GRIK1: variants seen among roughly 807,000 people sequenced by gnomAD.
The protein encoded by GRIK1 is glutamate receptor ionotropic, kainate 1.
Under a neutral mutation model 105.7 loss-of-function variants are expected in GRIK1, and 69 were observed. That is an observed-to-expected ratio of 0.65 (90% CI 0.54 to 0.80). GRIK1 has a LOEUF of 0.80. GRIK1 is among the 30% of genes least tolerant of loss of function. The pLI is 0.00. For missense variants in GRIK1, 1,109 were observed against 1,167.3 expected (o/e 0.95, Z 0.73); for synonymous variants, 438 against 431.3 (o/e 1.02, Z -0.19).
At chr21:29,537,428 T>C (rs775574558) in intron 17 of GRIK1, 43 bp from the exon 18 acceptor site, 315 of 1,524,870 alleles carry the variant, frequency 2.1e-4, no homozygotes, top group Non-Finnish European at 2.8e-4. Context: ...ATTAAGCCTA[T>C]CGCATGTGCC....
chr21:29,933,202 C>A (rs983213969), intron 1 of GRIK1, among the ~76,000 whole-genome samples: 1 of 151,864 alleles, frequency 6.6e-6, no homozygotes, highest in African/African-American at 2.4e-5. Context: ...CATAGGTAAC[C>A]GTGTGTCATG....
At chr21:29,903,866 A>AAC (rs1358893503) in intron 1 of GRIK1, among the ~76,000 whole-genome samples, 3 of 152,254 alleles carry the variant, frequency 2.0e-5, no homozygotes, top group Non-Finnish European at 4.4e-5. Flanking sequence ...AAAGACTTGG[A>AAC]ACCAACCCAA....
intron 1 of GRIK1, among the ~76,000 whole-genome samples, chr21:29,758,250 G>A (rs115304402): frequency 0.014 from 2,187 of 152,266 alleles, 49 homozygotes; most frequent in African/African-American, 0.049. Context: ...CTGTTCTCGC[G>A]CTGTTAATAA....
intron 1 of GRIK1, among the ~76,000 whole-genome samples, chr21:29,888,132 C>A: frequency 7.7e-6 from 1 of 129,246 alleles, no homozygotes; most frequent in African/African-American, 3.1e-5. Context: ...CATTTTATAG[C>A]CCCTCCCTCC....
At chr21:29,686,096 G>T (rs1047030323) in intron 3 of GRIK1, among the ~76,000 whole-genome samples, 3 of 152,134 alleles carry the variant, frequency 2.0e-5, no homozygotes, top group African/African-American at 7.2e-5. Context: ...ATTTCCACAT[G>T]TTGTTCATTC....
chr21:29,630,989 G>GTCTC (rs2062257293), intron 7 of GRIK1, among the ~76,000 whole-genome samples: 1 of 151,692 alleles, frequency 6.6e-6, no homozygotes, highest in Non-Finnish European at 1.5e-5. Context: ...TTTATTTTTT[G>GTCTC]TAGAGAGGGG....
intron 7 of GRIK1, among the ~76,000 whole-genome samples, chr21:29,625,841 G>T (rs144345476): frequency 1.3e-5 from 2 of 152,206 alleles, no homozygotes; most frequent in East Asian, 3.9e-4. Flanking sequence ...CCTAGTGAAT[G>T]TTATGCATGA....
chr21:29,897,473 A>G (rs1192937328), intron 1 of GRIK1, among the ~76,000 whole-genome samples: 1 of 152,216 alleles, frequency 6.6e-6, no homozygotes, highest in Non-Finnish European at 1.5e-5. Flanking sequence ...ATTTTCCTCT[A>G]TAGGTCAGGC....
intron 7 of GRIK1, among the ~76,000 whole-genome samples, chr21:29,610,255 T>C (rs142651453): frequency 6.6e-6 from 1 of 152,250 alleles, no homozygotes. Flanking sequence ...GGTGAATAAA[T>C]GTCATGCTTT....
At chr21:29,688,781 G>A (rs537468459) in intron 3 of GRIK1, among the ~76,000 whole-genome samples, 5 of 152,212 alleles carry the variant, frequency 3.3e-5, no homozygotes, top group East Asian at 1.9e-4. Flanking sequence ...ATTTGCGTGC[G>A]GTCGTGGAGA....
At chr21:29,841,682 G>C (rs898287259) in intron 1 of GRIK1, among the ~76,000 whole-genome samples, 1 of 152,128 alleles carries the variant, frequency 6.6e-6, no homozygotes, top group African/African-American at 2.4e-5. Flanking sequence ...TTCACTATAT[G>C]CCACTGTCTA....
At chr21:29,542,153 G>C (rs2089982613) in intron 16 of GRIK1, among the ~76,000 whole-genome samples, 1 of 152,128 alleles carries the variant, frequency 6.6e-6, no homozygotes, top group Admixed American at 6.6e-5. Flanking sequence ...TAGAAGGAGA[G>C]AGATTTGCTT....
At chr21:29,667,041 A>ATACGG (rs767079163) in intron 4 of GRIK1, among the ~76,000 whole-genome samples, 9 of 152,224 alleles carry the variant, frequency 5.9e-5, no homozygotes, top group Non-Finnish European at 1.0e-4. Flanking sequence ...CAGTGCCAGC[A>ATACGG]TACGGTACGT....
At chr21:29,705,050 G>A (rs2063878036) in intron 1 of GRIK1, among the ~76,000 whole-genome samples, 1 of 152,168 alleles carries the variant, frequency 6.6e-6, no homozygotes, top group African/African-American at 2.4e-5. Context: ...TTAAATGAAT[G>A]GAATAAGACA....
intron 1 of GRIK1, among the ~76,000 whole-genome samples, chr21:29,734,605 C>T (rs755772137): frequency 6.6e-6 from 1 of 151,820 alleles, no homozygotes; most frequent in Non-Finnish European, 1.5e-5. Context: ...CACCATGTTG[C>T]CCAAACTAGT....
chr21:29,710,858 CCT>C (rs1055751596), intron 1 of GRIK1, among the ~76,000 whole-genome samples: 7 of 143,304 alleles, frequency 4.9e-5, no homozygotes, highest in African/African-American at 1.8e-4. Context: ...TCCCTCCCTC[CCT>C]CTCTCCCTCC....
intron 1 of GRIK1, among the ~76,000 whole-genome samples, chr21:29,696,755 C>A (rs1601476542): frequency 6.6e-6 from 1 of 152,202 alleles, no homozygotes; most frequent in East Asian, 1.9e-4. Context: ...GACGTTCAGG[C>A]TGCAGGTATT....
chr21:29,893,697 A>T (rs1404651343), intron 1 of GRIK1, among the ~76,000 whole-genome samples: 4 of 152,308 alleles, frequency 2.6e-5, no homozygotes, highest in Middle Eastern at 3.4e-3. Context: ...TTGATGTAGA[A>T]TATACAGAGA....
In GRIK1 at chr21:29,560,386, TTC is replaced by T. The variant is rs1568813920; in HGVS notation, c.2356+1236_2356+1237del. Among the ~76,000 whole-genome samples, 7 of 83,474 alleles carry T rather than the reference TTC, an allele frequency of 8.4e-5. 1 individual carries two copies. Among genetic ancestry groups the T allele is most frequent in the East Asian group, 6.9e-4 (2 of 2,902 alleles). The allele number at this position is 83,474 out of a possible 152,430, so 54.8% of individuals were successfully genotyped here. A position where few individuals can be genotyped will look rare whatever the true frequency, so the allele number is the denominator to read the frequency against. ...CTTTCTTCCTTCCTTCCTTCCTTCC[TTC>T]CTTCCTTCCTTCCTTTCTTTCTTTC... On this transcript the variant is annotated intron_variant, in intron 15 of 17. Transcript: ENST00000327783.
Sources: allele counts gnomAD v4.1 joint callset (sites outside exome capture counted in the v4.1 genomes callset), GRCh38; gene constraint gnomAD v4.1.1; transcripts MANE v1.5; gene names NCBI Gene and HGNC (gene_info 2026-07-23, HGNC 2026-07-21).